The following POR variants were observed in gnomAD, a reference collection of about 807,000 sequenced individuals.
POR encodes NADPH--cytochrome P450 reductase.
In POR, 56 loss-of-function variants were observed where a neutral mutation model predicts 84.0. The observed-to-expected ratio is 0.67, with a 90% CI of 0.54 to 0.83. POR has a LOEUF of 0.83. Among genes scored for constraint, POR ranks in the 40% least tolerant of loss-of-function variants. POR has a pLI of 0.00. For synonymous variants in POR, 414 were observed against 400.5 expected, an observed-to-expected ratio of 1.03 and a Z score of -0.40; for missense variants, 938 against 944.3, an observed-to-expected ratio of 0.99 and a Z score of 0.09.
chr7:75,964,342 C>T (rs7787642), intron 2 of POR, among the ~76,000 whole-genome samples: 61,167 of 151,816 alleles, frequency 0.4, 13,411 homozygotes, highest in African/African-American at 0.58. Context: ...AGTCTCGCTC[C>T]TGTCCCCCAG....
intron 2 of POR, among the ~76,000 whole-genome samples, 187 bp from the exon 3 acceptor site, chr7:75,972,226 T>A (rs782440233): frequency 6.6e-6 from 1 of 151,948 alleles, no homozygotes; most frequent in Admixed American, 6.6e-5. Context: ...CTGGGAGCCC[T>A]GGTGTTGGAT....
intron 2 of POR, among the ~76,000 whole-genome samples, chr7:75,961,255 C>T (rs1787926311): frequency 7.2e-6 from 1 of 138,678 alleles, no homozygotes; most frequent in African/African-American, 2.7e-5. Flanking sequence ...CAAATAAAAA[C>T]TTAGACTTAC....
rs72553988 is a variant in POR, at chr7:75,954,156, C to T, written c.164C>T (p.Pro55Leu). 8 of 1,611,458 alleles carry T rather than the reference C, an allele frequency of 5.0e-6. No individual in the cohort carries two copies. The East Asian group carries it at 1.3e-4, about 27-fold the overall frequency. ...TTCAGAAAGAAAAAAGAAGAAGTCC[C>T]CGAGTTCACCAAAATTCAGACATTG... Residue 55 changes from proline (P) to leucine (L), a missense_variant, in exon 2 of 16, where the codon CCC (proline) becomes CTC (leucine). By Grantham distance (98) the Pro-to-Leu change is moderately conservative. Coordinates refer to ENST00000461988, the MANE Select transcript of POR (RefSeq NM_000941.3).
At chr7:75,964,196 C>T (rs528395482) in intron 2 of POR, among the ~76,000 whole-genome samples, 78 of 152,048 alleles carry the variant, frequency 5.1e-4, no homozygotes, top group Non-Finnish European at 9.7e-4. Context: ...GATGGGGTTT[C>T]ACCATGTTGA....
intron 1 of POR, among the ~76,000 whole-genome samples, chr7:75,933,166 T>A (rs1330931545): frequency 7.9e-5 from 12 of 152,286 alleles, no homozygotes; most frequent in Middle Eastern, 3.4e-3. Context: ...AACATGCTTT[T>A]AAATTTTTTA....
chr7:75,971,556 T>C (rs1173315078), intron 2 of POR, among the ~76,000 whole-genome samples: 1 of 151,948 alleles, frequency 6.6e-6, no homozygotes, highest in African/African-American at 2.4e-5. Flanking sequence ...GGACAGAAGA[T>C]TGTGTCACCC....
chr7:75,985,013 C>A, intron 11 of POR, 45 bp from the exon 12 acceptor site: 1 of 1,579,000 alleles, frequency 6.3e-7, no homozygotes, highest in South Asian at 1.1e-5. Context: ...GTTTTCCGAG[C>A]TCCGTGGGCC....
At chr7:75,974,730 T>G (rs1554556634) in intron 3 of POR, among the ~76,000 whole-genome samples, 3 of 152,116 alleles carry the variant, frequency 2.0e-5, no homozygotes, top group Non-Finnish European at 4.4e-5. Context: ...TTTTGCCATG[T>G]TGGCCAGGCT....
chr7:75,985,759 G>A lies in POR; in HGVS notation c.1579G>A (p.Ala527Thr). 6.3e-7 allele frequency: 1 copy of A among 1,580,520 alleles called. No individual in the cohort carries two copies. Among genetic ancestry groups the A allele is most frequent in the South Asian group, 1.2e-5 (1 of 86,276 alleles). Residue 527 changes from alanine (A) to threonine (T), a missense_variant, in exon 13 of 16, where the codon GCC becomes ACC. Transcript: ENST00000461988. ...GTCCCAGTTCCGCCTGCCCTTCAAG[G>A]CCACCACGCCTGTCATCATGGTGGG... is the stretch of plus-strand genomic sequence containing the variant.
At chr7:75,957,713 G>A (rs1787748302) in intron 2 of POR, among the ~76,000 whole-genome samples, 1 of 152,180 alleles carries the variant, frequency 6.6e-6, no homozygotes, top group Non-Finnish European at 1.5e-5. Flanking sequence ...CTCTTTGCCA[G>A]GATGCTGAAA....
At chr7:75,915,814 G>A (rs1554548002) in intron 1 of POR, 3 of 152,228 alleles carry the variant, frequency 2.0e-5, no homozygotes, top group South Asian at 2.1e-4. Flanking sequence ...GATCGGGGGA[G>A]CAATTGGGTA....
chr7:75,974,587 T>A (rs1428883049), intron 3 of POR, among the ~76,000 whole-genome samples: 4 of 142,498 alleles, frequency 2.8e-5, no homozygotes, highest in African/African-American at 1.1e-4. Context: ...AGTGCAGTGG[T>A]GTGATCTCAG....
intron 2 of POR, among the ~76,000 whole-genome samples, chr7:75,966,522 C>T (rs782245605): frequency 8.5e-5 from 13 of 152,276 alleles, no homozygotes; most frequent in South Asian, 6.2e-4. Context: ...CTTCTCTCGC[C>T]GTGGGCACCC....
intron 3 of POR, 91 bp downstream of exon 3, chr7:75,972,552 T>C (rs1554556357): frequency 1.6e-6 from 2 of 1,240,374 alleles, no homozygotes; most frequent in Non-Finnish European, 2.3e-6. Context: ...CGTCACCGCA[T>C]AGAGGATGTC....
Position 75,986,376 on chromosome 7 carries a change from C to A in POR, c.1938C>A (p.Phe646Leu). 2.5e-6 allele frequency: 4 copies of A among 1,612,652 alleles called. No homozygotes were observed. Among genetic ancestry groups the A allele is most frequent in the Non-Finnish European group, 3.4e-6 (4 of 1,179,864 alleles). Residue 646 changes from phenylalanine to leucine, a missense_variant, in exon 16 of 16, where the codon TTC becomes TTA. Physicochemically the swap from Phe to Leu is conservative, Grantham distance 22. Coordinates refer to ENST00000461988, the MANE Select transcript of POR (RefSeq NM_000941.3). ...TGGCCAGGGATGTGCAGAACACCTTCTACGACATCGTGGCTGAGCTCGGGG... is the reference window on the plus strand; with the variant it reads ...TGGCCAGGGATGTGCAGAACACCTTATACGACATCGTGGCTGAGCTCGGGG...
At chr7:75,954,285 G>A in intron 2 of POR, 105 bp downstream of exon 2, 1 of 1,206,862 alleles carries the variant, frequency 8.3e-7, no homozygotes, top group Non-Finnish European at 1.2e-6. Flanking sequence ...GCTCCTTGTA[G>A]CATTTTGGGG....
chr7:75,947,779 C>T (rs1390410306), intron 1 of POR, among the ~76,000 whole-genome samples: 1 of 151,918 alleles, frequency 6.6e-6, no homozygotes, highest in African/African-American at 2.4e-5. Context: ...AGAATGAGTA[C>T]GAAGCTTCGA....
At chr7:75,961,049 A>T (rs1248132899) in intron 2 of POR, among the ~76,000 whole-genome samples, 1 of 152,098 alleles carries the variant, frequency 6.6e-6, no homozygotes. Context: ...CCTGGCCAAC[A>T]TGGCAAAACC....
At chr7:75,984,541 C>G (rs1554558704) in intron 10 of POR, among the ~76,000 whole-genome samples, 1 of 152,160 alleles carries the variant, frequency 6.6e-6, no homozygotes, top group Non-Finnish European at 1.5e-5. Context: ...TGCAGGGGCT[C>G]CCCCGCACCT....
Sources: allele counts gnomAD v4.1 joint callset (sites outside exome capture counted in the v4.1 genomes callset), GRCh38; gene constraint gnomAD v4.1.1; transcripts MANE v1.5; gene names NCBI Gene and HGNC (gene_info 2026-07-23, HGNC 2026-07-21).